Variants in ROBO1 observed in about 807,000 individuals in gnomAD.
The protein encoded by ROBO1 is roundabout homolog 1.
Under a neutral mutation model 195.9 loss-of-function variants are expected in ROBO1, and 149 were observed. That is an observed-to-expected ratio of 0.76 (90% CI 0.67 to 0.87). The LOEUF (loss-of-function observed/expected upper bound fraction) is 0.87. ROBO1 is among the 40% of genes least tolerant of loss of function. The probability of loss-of-function intolerance (pLI) is 0.00; values close to 1 mark genes in which losing one functional copy is unlikely to be tolerated. For synonymous variants in ROBO1, 816 were observed against 733.2 expected, an observed-to-expected ratio of 1.11 and a Z score of -1.82; for missense variants, 1,933 against 2,068.3, an observed-to-expected ratio of 0.93 and a Z score of 1.27.
chr3:79,058,889 C>A (rs879336631), intron 3 of ROBO1, among the ~76,000 whole-genome samples: 2 of 152,038 alleles, frequency 1.3e-5, no homozygotes, highest in Non-Finnish European at 2.9e-5. Flanking sequence ...TTATAATGGG[C>A]CTAAATACAG....
At chr3:79,400,962 T>C (rs966692762) in intron 2 of ROBO1, among the ~76,000 whole-genome samples, 14 of 151,862 alleles carry the variant, frequency 9.2e-5, no homozygotes, top group African/African-American at 2.9e-4. Flanking sequence ...CATTAAAAAT[T>C]ACTAATTACT....
At chr3:79,729,222 A>T (rs1440089740) in intron 1 of ROBO1, among the ~76,000 whole-genome samples, 3 of 152,046 alleles carry the variant, frequency 2.0e-5, no homozygotes, top group Non-Finnish European at 2.9e-5. Flanking sequence ...TTTACAACTA[A>T]CTTTGAACAG....
chr3:79,044,144 G>T (rs1347457016), intron 3 of ROBO1, among the ~76,000 whole-genome samples: 2 of 141,436 alleles, frequency 1.4e-5, no homozygotes, highest in Non-Finnish European at 3.1e-5. Context: ...AAAAAAAATC[G>T]CAAAAAAAAA....
intron 1 of ROBO1, among the ~76,000 whole-genome samples, chr3:79,716,505 A>T (rs1702491785): frequency 6.6e-6 from 1 of 151,930 alleles, no homozygotes; most frequent in Non-Finnish European, 1.5e-5. Flanking sequence ...TATATTTTTC[A>T]CTAATTTATT....
At chr3:78,879,896 G>C (rs946701393) in intron 4 of ROBO1, among the ~76,000 whole-genome samples, 2 of 152,050 alleles carry the variant, frequency 1.3e-5, no homozygotes, top group African/African-American at 4.8e-5. Flanking sequence ...ACACTGTAGG[G>C]ACCATTGTTT....
intron 2 of ROBO1, among the ~76,000 whole-genome samples, chr3:79,128,963 G>C (rs1320620714): frequency 1.3e-5 from 2 of 152,074 alleles, no homozygotes; most frequent in African/African-American, 4.8e-5. Context: ...ATTTCATCCT[G>C]TTCTTTTCAA....
intron 3 of ROBO1, among the ~76,000 whole-genome samples, chr3:79,103,015 T>C (rs1191477031): frequency 2.6e-5 from 4 of 151,766 alleles, no homozygotes; most frequent in African/African-American, 9.7e-5. Context: ...GAAGAGTTCG[T>C]CTAATATGAT....
chr3:78,821,647 A>T (rs893637674), intron 4 of ROBO1, among the ~76,000 whole-genome samples: 1 of 152,210 alleles, frequency 6.6e-6, no homozygotes, highest in African/African-American at 2.4e-5. Context: ...CAGATTGATA[A>T]TAATAACATG....
chr3:78,599,607 T>C (rs1703049778), intron 30 of ROBO1, among the ~76,000 whole-genome samples: 1 of 149,038 alleles, frequency 6.7e-6, no homozygotes, highest in Non-Finnish European at 1.5e-5. Flanking sequence ...AGAGTATATC[T>C]TTGACGTAAG....
At chr3:78,867,302 A>C (rs1182884846) in intron 4 of ROBO1, among the ~76,000 whole-genome samples, 1 of 152,164 alleles carries the variant, frequency 6.6e-6, no homozygotes, top group Non-Finnish European at 1.5e-5. Context: ...TTGTTGACTT[A>C]TGATTATATC....
At chr3:79,744,066 T>C (rs2107441308) in intron 1 of ROBO1, among the ~76,000 whole-genome samples, 1 of 152,324 alleles carries the variant, frequency 6.6e-6, no homozygotes, top group South Asian at 2.1e-4. Flanking sequence ...TTCTGTACCA[T>C]ACATATTTGC....
chr3:78,950,360 A>C (rs1364671740), intron 3 of ROBO1, among the ~76,000 whole-genome samples: 1 of 151,896 alleles, frequency 6.6e-6, no homozygotes, highest in Non-Finnish European at 1.5e-5. Context: ...TGTCCTTTGT[A>C]GGGACATGGA....
chr3:79,069,345 C>T (rs1309768330), intron 3 of ROBO1, among the ~76,000 whole-genome samples: 2 of 151,684 alleles, frequency 1.3e-5, no homozygotes, highest in Non-Finnish European at 2.9e-5. Flanking sequence ...TAGCATTTAA[C>T]TTTTTGATGT....
chr3:79,256,477 C>T (rs1175123814), intron 2 of ROBO1, among the ~76,000 whole-genome samples: 1 of 151,886 alleles, frequency 6.6e-6, no homozygotes, highest in Non-Finnish European at 1.5e-5. Context: ...ATAAGATCTT[C>T]CATAAATGTG....
At chr3:79,133,948 A>C (rs1283554994) in intron 2 of ROBO1, among the ~76,000 whole-genome samples, 4 of 152,062 alleles carry the variant, frequency 2.6e-5, no homozygotes, top group African/African-American at 9.7e-5. Flanking sequence ...CTGCCGTGTG[A>C]GGTGTCACCA....
At chr3:79,741,635 A>G (rs1194942970) in intron 1 of ROBO1, among the ~76,000 whole-genome samples, 2 of 152,164 alleles carry the variant, frequency 1.3e-5, no homozygotes, top group Non-Finnish European at 2.9e-5. Flanking sequence ...GCATTGCTAT[A>G]AAGATATCTG....
chr3:79,279,515 G>A (rs73112717), intron 2 of ROBO1, among the ~76,000 whole-genome samples: 15,285 of 152,104 alleles, frequency 0.1, 823 homozygotes, highest in Middle Eastern at 0.14. Flanking sequence ...ATGCACTGTT[G>A]GTGGGTAAGT....
At chr3:79,109,328 T>A (rs1458972588) in intron 3 of ROBO1, among the ~76,000 whole-genome samples, 2 of 151,970 alleles carry the variant, frequency 1.3e-5, no homozygotes, top group Non-Finnish European at 2.9e-5. Context: ...TCTTAAGAAT[T>A]AATGTTAATG....
At chr3:78,671,073 T>C (rs1224219362) in intron 10 of ROBO1, among the ~76,000 whole-genome samples, 3 of 152,164 alleles carry the variant, frequency 2.0e-5, no homozygotes, top group South Asian at 2.1e-4. Context: ...CCTTAGATAA[T>C]AGTTATAACA....
Sources: allele counts gnomAD v4.1 joint callset (sites outside exome capture counted in the v4.1 genomes callset), GRCh38; gene constraint gnomAD v4.1.1; transcripts MANE v1.5; gene names NCBI Gene and HGNC (gene_info 2026-07-23, HGNC 2026-07-21).